The following INPP4B variants were observed in gnomAD, a reference collection of about 807,000 sequenced individuals.
The protein encoded by INPP4B is inositol polyphosphate 4-phosphatase type II.
INPP4B carries 55 observed loss-of-function variants against 122.5 expected under a neutral mutation model. The observed-to-expected ratio is 0.45, with a 90% CI of 0.36 to 0.56. The LOEUF (loss-of-function observed/expected upper bound fraction) is 0.56. INPP4B is among the 20% of genes least tolerant of loss of function. The pLI is 0.00. For missense variants in INPP4B, 1,000 were observed against 1,097.7 expected, an observed-to-expected ratio of 0.91 and a Z score of 1.26; for synonymous variants, 403 against 388.7, an observed-to-expected ratio of 1.04 and a Z score of -0.43.
intron 12 of INPP4B, among the ~76,000 whole-genome samples, chr4:142,211,717 T>C (rs893574565): frequency 1.3e-5 from 2 of 152,340 alleles, no homozygotes; most frequent in South Asian, 2.1e-4. Context: ...CCATACTCTA[T>C]GTTTCATCGA....
At chr4:142,416,326 A>G (rs1328425730) in intron 5 of INPP4B, among the ~76,000 whole-genome samples, 1 of 152,108 alleles carries the variant, frequency 6.6e-6, no homozygotes. Flanking sequence ...CATACAACAC[A>G]CTGACTCATG....
intron 1 of INPP4B, among the ~76,000 whole-genome samples, chr4:142,833,291 G>C (rs1288880269): frequency 1.3e-5 from 2 of 152,036 alleles, no homozygotes; most frequent in African/African-American, 2.4e-5. Context: ...GATACCCATA[G>C]AGTCAATTGA....
chr4:142,217,345 A>C (rs1002391356), intron 12 of INPP4B, among the ~76,000 whole-genome samples: 4 of 152,144 alleles, frequency 2.6e-5, no homozygotes, highest in Non-Finnish European at 5.9e-5. Flanking sequence ...TTTTTGTCCA[A>C]CCGCAGTCTC....
intron 1 of INPP4B, among the ~76,000 whole-genome samples, chr4:142,732,295 T>C (rs1766218399): frequency 6.6e-6 from 1 of 152,096 alleles, no homozygotes; most frequent in South Asian, 2.1e-4. Flanking sequence ...TCATCTATAA[T>C]CCAGCTTTTC....
chr4:142,764,737 T>C (rs560661771), intron 1 of INPP4B, among the ~76,000 whole-genome samples: 1 of 151,840 alleles, frequency 6.6e-6, no homozygotes, highest in South Asian at 2.1e-4. Flanking sequence ...GACATTAATG[T>C]TAATCAAGAT....
chr4:142,431,352 T>C lies in INPP4B; in HGVS notation c.-93A>G, dbSNP rs1809255224. ...GTTTAATGTAGATGTATCTTCACAC[T>C]AAAGATCTGATATCCCACTCTGAAA... On this transcript the variant is annotated 5_prime_UTR_variant, in exon 4 of 26. Coordinates refer to ENST00000262992, the MANE Select transcript of INPP4B (RefSeq NM_001101669.3). The C allele has an allele frequency of 1.2e-6, 1 of 844,662 alleles. No homozygotes were observed. The highest frequency in any genetic ancestry group is 1.7e-5 in the African/African-American group (1 of 59,372). 52.3% of individuals were successfully genotyped at this position (844,662 alleles called of 1,614,324 possible).
chr4:142,168,090 T>C (rs1445161775), intron 16 of INPP4B, among the ~76,000 whole-genome samples: 1 of 151,624 alleles, frequency 6.6e-6, no homozygotes, highest in Non-Finnish European at 1.5e-5. Context: ...GTCCTTTTTT[T>C]CTTTTATTTC....
intron 21 of INPP4B, among the ~76,000 whole-genome samples, chr4:142,116,389 C>A (rs551053538): frequency 6.6e-6 from 1 of 152,090 alleles, no homozygotes; most frequent in Non-Finnish European, 1.5e-5. Flanking sequence ...ACACTTATTC[C>A]AAAATTGACC....
intron 23 of INPP4B, among the ~76,000 whole-genome samples, chr4:142,098,092 T>A (rs1347940053): frequency 6.6e-6 from 1 of 151,912 alleles, no homozygotes; most frequent in East Asian, 1.9e-4. Context: ...ACTGAGAAAG[T>A]GACATTTAGG....
At chr4:142,246,109 T>TA (rs1728640575) in intron 11 of INPP4B, among the ~76,000 whole-genome samples, 1 of 142,040 alleles carries the variant, frequency 7.0e-6, no homozygotes, top group Admixed American at 6.8e-5. Context: ...TATACACACA[T>TA]ATATATATGT....
At chr4:142,753,927 C>T (rs2150956387) in intron 1 of INPP4B, among the ~76,000 whole-genome samples, 1 of 152,020 alleles carries the variant, frequency 6.6e-6, no homozygotes, top group South Asian at 2.1e-4. Flanking sequence ...TATAATTCTC[C>T]TTCTACTTTC....
At chr4:142,415,196 A>G (rs1805429645) in intron 5 of INPP4B, among the ~76,000 whole-genome samples, 1 of 152,084 alleles carries the variant, frequency 6.6e-6, no homozygotes, top group African/African-American at 2.4e-5. Flanking sequence ...CAGTGCACAT[A>G]GGTTATTGGG....
chr4:142,340,741 G>C (rs1368450006), intron 7 of INPP4B, among the ~76,000 whole-genome samples: 1 of 152,086 alleles, frequency 6.6e-6, no homozygotes, highest in Non-Finnish European at 1.5e-5. Context: ...CTGCCAGTGG[G>C]GAGGAACCTC....
intron 5 of INPP4B, among the ~76,000 whole-genome samples, chr4:142,420,395 T>C (rs1806618650): frequency 6.6e-6 from 1 of 152,066 alleles, no homozygotes; most frequent in Non-Finnish European, 1.5e-5. Context: ...ATATCTCATA[T>C]CTGCGGGGTG....
At chr4:142,093,311 C>T (rs1395402578) in intron 23 of INPP4B, among the ~76,000 whole-genome samples, 1 of 152,102 alleles carries the variant, frequency 6.6e-6, no homozygotes, top group African/African-American at 2.4e-5. Context: ...TCATGGACAT[C>T]ATGGAGCAGA....
intron 2 of INPP4B, among the ~76,000 whole-genome samples, chr4:142,467,238 A>T (rs964510514): frequency 2.0e-5 from 3 of 152,208 alleles, no homozygotes; most frequent in Non-Finnish European, 4.4e-5. Flanking sequence ...AAGCGTGAAA[A>T]AGCTGCAAGC....
At chr4:142,772,370 G>A (rs1411060970) in intron 1 of INPP4B, among the ~76,000 whole-genome samples, 1 of 152,072 alleles carries the variant, frequency 6.6e-6, no homozygotes, top group Non-Finnish European at 1.5e-5. Flanking sequence ...CACAGCAGAA[G>A]GAAATAGCTG....
intron 16 of INPP4B, among the ~76,000 whole-genome samples, chr4:142,161,604 C>G (rs889086066): frequency 1.9e-4 from 29 of 151,970 alleles, no homozygotes; most frequent in Middle Eastern, 6.8e-3. Flanking sequence ...TTGGTGCACT[C>G]TCAATATGCG....
intron 11 of INPP4B, among the ~76,000 whole-genome samples, chr4:142,259,557 G>T (rs978444379): frequency 6.7e-6 from 1 of 148,310 alleles, no homozygotes; most frequent in Non-Finnish European, 1.5e-5. Context: ...TGTTTATATT[G>T]TTATAAAACT....
Sources: allele counts gnomAD v4.1 joint callset (sites outside exome capture counted in the v4.1 genomes callset), GRCh38; gene constraint gnomAD v4.1.1; transcripts MANE v1.5; gene names NCBI Gene and HGNC (gene_info 2026-07-23, HGNC 2026-07-21).